The following SHROOM2 variants were observed in gnomAD, a reference collection of about 807,000 sequenced individuals.
SHROOM2 encodes protein Shroom2.
In SHROOM2, 33 loss-of-function variants were observed where a neutral mutation model predicts 75.9. The observed-to-expected ratio is 0.43, with a 90% confidence interval of 0.33 to 0.58. The LOEUF (loss-of-function observed/expected upper bound fraction) is 0.58, where lower values mean the gene tolerates loss of function less well. Ranked by LOEUF, SHROOM2 falls within the 20% of genes least tolerant of loss-of-function variation. The pLI is 0.04. For missense variants in SHROOM2, 1,434 were observed against 1,461.2 expected, an observed-to-expected ratio of 0.98 and a Z score of 0.30; for synonymous variants, 655 against 663.6, an observed-to-expected ratio of 0.99 and a Z score of 0.20.
Position 9,944,861 on chromosome X carries a change from G to T in SHROOM2, c.4532G>T (p.Arg1511Leu), listed in dbSNP as rs763641831. Residue 1511 changes from arginine (R) to leucine (L), a missense_variant, in exon 9 of 10, where the codon CGG becomes CTG. By Grantham distance (102) the Arg-to-Leu change is moderately radical (BLOSUM62 -2). Transcript: ENST00000380913. ...CTGTCGCTGTCAGGCCGCCTGGCCC[G>T]GGTGGAGAATGCCCTCAATAATTTG... ...LLLSLSGRLARVENALNNLDD... is the reference protein window; with the variant it reads ...LLLSLSGRLALVENALNNLDD... 4 of 1,209,214 alleles carry T rather than the reference G, an allele frequency of 3.3e-6. No individual in the cohort carries two copies. Among genetic ancestry groups the T allele is most frequent in the Non-Finnish European group, 4.5e-6 (4 of 894,665 alleles).
At chrX:9,839,826 A>C in intron 1 of SHROOM2, among the ~76,000 whole-genome samples, 1 of 112,163 alleles carries the variant, frequency 8.9e-6, no homozygotes, top group African/African-American at 3.2e-5. Context: ...GGGAGAACAA[A>C]GAGAGTGTCC....
chrX:9,923,614 G>A (rs1007577153), intron 5 of SHROOM2, among the ~76,000 whole-genome samples: 3 of 111,758 alleles, frequency 2.7e-5, no homozygotes, highest in Admixed American at 1.9e-4. Flanking sequence ...TCATCAAGGC[G>A]GGAGAGCCCA....
chrX:9,822,898 G>A (rs2083860517), intron 1 of SHROOM2, among the ~76,000 whole-genome samples: 1 of 111,959 alleles, frequency 8.9e-6, no homozygotes, highest in Non-Finnish European at 1.9e-5. Flanking sequence ...CACTGGCAGC[G>A]GGGGTCTTCA....
At chrX:9,857,728 T>C (rs762664686) in intron 1 of SHROOM2, among the ~76,000 whole-genome samples, 2 of 111,150 alleles carry the variant, frequency 1.8e-5, no homozygotes, top group Non-Finnish European at 3.8e-5. Context: ...ATTGTGAACA[T>C]TTGCAGACAC....
At chrX:9,806,396 T>G (rs764607804) in intron 1 of SHROOM2, among the ~76,000 whole-genome samples, 1 of 109,303 alleles carries the variant, frequency 9.1e-6, no homozygotes, top group African/African-American at 3.3e-5. Context: ...AATATTAATA[T>G]ATATAAAATA....
At position 9,890,732 on chromosome X, in the gene SHROOM2, G is replaced by A. The variant is rs187646663; in HGVS notation, c.318-245G>A. On this transcript the variant is annotated intron_variant, in intron 2 of 9. Transcript: ENST00000380913. ...TGTTTGGCACGAGAGTGCACGTGCT[G>A]TGTGTGGTCTCCAAGTCCCCTGCAC... Among the ~76,000 whole-genome samples the A allele has an allele frequency of 4.5e-4, 50 of 110,772 alleles. 1 individual carries two copies. The highest frequency in any genetic ancestry group is 4.4e-3 in the Admixed American group (47 of 10,662).
At chrX:9,883,192 C>T (rs2084241546) in intron 2 of SHROOM2, among the ~76,000 whole-genome samples, 1 of 112,359 alleles carries the variant, frequency 8.9e-6, no homozygotes. Context: ...AGAGCTCTCA[C>T]AAGTGCGGAC....
intron 1 of SHROOM2, among the ~76,000 whole-genome samples, chrX:9,829,788 T>C (rs981693794): frequency 1.8e-5 from 2 of 111,709 alleles, no homozygotes; most frequent in Non-Finnish European, 3.8e-5. Flanking sequence ...CAGAGTGATC[T>C]GAACATGCTC....
intron 5 of SHROOM2, among the ~76,000 whole-genome samples, chrX:9,921,753 A>G (rs1308371264): frequency 8.9e-6 from 1 of 112,213 alleles, no homozygotes; most frequent in African/African-American, 3.2e-5. Context: ...CTGTAGGCTC[A>G]TCCATGTTGT....
intron 1 of SHROOM2, among the ~76,000 whole-genome samples, chrX:9,843,750 A>G (rs891475889): frequency 2.7e-5 from 3 of 112,344 alleles, no homozygotes; most frequent in Non-Finnish European, 5.6e-5. Context: ...TGACTGTGAC[A>G]GTTTTTCAGA....
chrX:9,896,842 G>C, intron 4 of SHROOM2, 144 bp downstream of exon 4: 1 of 657,248 alleles, frequency 1.5e-6, no homozygotes, highest in Non-Finnish European at 2.2e-6. Flanking sequence ...TCCTCTGTTA[G>C]AGGTATTTGG....
intron 2 of SHROOM2, among the ~76,000 whole-genome samples, chrX:9,883,746 C>T (rs781623996): frequency 9.0e-5 from 10 of 111,284 alleles, no homozygotes; most frequent in Admixed American, 2.8e-4. Context: ...AGAAGCCTTC[C>T]GGAGGATTGG....
intron 5 of SHROOM2, among the ~76,000 whole-genome samples, chrX:9,923,740 C>T (rs1235291093): frequency 9.1e-6 from 1 of 109,330 alleles, no homozygotes; most frequent in East Asian, 2.8e-4. Context: ...GGGTCCGATA[C>T]TTGAGGGCCA....
chrX:9,796,196 G>A (rs888319276), intron 1 of SHROOM2, among the ~76,000 whole-genome samples: 4 of 111,100 alleles, frequency 3.6e-5, no homozygotes, highest in African/African-American at 1.3e-4. Flanking sequence ...GCCGAGGTGG[G>A]AGGATTGCTT....
At chrX:9,943,634 C>T (rs943378759) in intron 8 of SHROOM2, among the ~76,000 whole-genome samples, 1 of 111,695 alleles carries the variant, frequency 9.0e-6, no homozygotes, top group Non-Finnish European at 1.9e-5. Flanking sequence ...GTGACAGGTG[C>T]ATCGCAGCAT....
chrX:9,873,629 T>C (rs1334510554), intron 1 of SHROOM2, 23 bp from the exon 2 acceptor site: 3 of 1,210,197 alleles, frequency 2.5e-6, no homozygotes, highest in East Asian at 5.9e-5. Flanking sequence ...GGAAGGCTCA[T>C]GGAACATGCT....
At chrX:9,838,328 G>C (rs1239559189) in intron 1 of SHROOM2, among the ~76,000 whole-genome samples, 1 of 110,596 alleles carries the variant, frequency 9.0e-6, no homozygotes, top group Non-Finnish European at 1.9e-5. Flanking sequence ...CCAAAGTGCT[G>C]GGATTACAGG....
At chrX:9,800,932 A>T (rs1376334079) in intron 1 of SHROOM2, among the ~76,000 whole-genome samples, 1 of 111,553 alleles carries the variant, frequency 9.0e-6, no homozygotes, top group African/African-American at 3.3e-5. Context: ...TTTATGTTTT[A>T]TCGATCCTGC....
intron 8 of SHROOM2, among the ~76,000 whole-genome samples, chrX:9,939,962 T>G (rs1266987259): frequency 9.0e-6 from 1 of 111,179 alleles, no homozygotes; most frequent in Non-Finnish European, 1.9e-5. Context: ...AATTTTTGTA[T>G]TTTTAGTAGA....
Sources: gnomAD v4.1 joint callset for allele counts (sites outside exome capture counted in the v4.1 genomes callset) on GRCh38, gnomAD v4.1.1 for gene constraint, MANE v1.5 for transcripts, NCBI Gene and HGNC (gene_info 2026-07-23, HGNC 2026-07-21) for gene names.